The following CYC1 variants were observed in gnomAD, a reference collection of about 807,000 sequenced individuals.
The protein encoded by CYC1 is cytochrome c1, heme protein, mitochondrial.
Under a neutral mutation model 33.8 loss-of-function variants are expected in CYC1, and 10 were observed. That is an observed-to-expected ratio of 0.30 (90% CI 0.18 to 0.50). The LOEUF (loss-of-function observed/expected upper bound fraction) is 0.50. CYC1 is among the 20% of genes least tolerant of loss of function. The pLI, the probability that CYC1 is intolerant of heterozygous loss-of-function variation, is 0.98. For missense variants in CYC1, 459 were observed against 437.6 expected, an observed-to-expected ratio of 1.05 and a Z score of -0.44; for synonymous variants, 224 against 181.9, an observed-to-expected ratio of 1.23 and a Z score of -1.86.
chr8:144,095,285 C>G, intron 1 of CYC1, 57 bp downstream of exon 1: 1 of 1,184,638 alleles, frequency 8.4e-7, no homozygotes, highest in South Asian at 4.2e-5. Context: ...GTGAAGGTCA[C>G]GGCGGGGAGG....
Position 144,095,856 on chromosome 8 carries a change from T to C in CYC1, c.153T>C (p.Ser51=), listed in dbSNP as rs1324781588. The C allele has an allele frequency of 6.2e-7, 1 of 1,608,510 alleles. No individual in the cohort carries two copies. Among genetic ancestry groups the C allele is most frequent in the Admixed American group, 1.7e-5 (1 of 59,810 alleles). Residue 51 remains serine, a synonymous_variant, in exon 2 of 7, where the codon TCT becomes TCC. Transcript: ENST00000318911. ...AGGCAGTGGCCTTGTCGTCGAAGTC[T>C]GGCCTTTCCCGAGGCCGGAAAGTGA... ...TPQAVALSSK[S]GLSRGRKVML...
chr8:144,095,727 C>A, intron 1 of CYC1, 106 bp from the exon 2 acceptor site: 2 of 1,199,022 alleles, frequency 1.7e-6, no homozygotes, highest in Non-Finnish European at 2.4e-6. Flanking sequence ...GCGTCTGGTG[C>A]CCTGCAGGAG....
At chr8:144,095,412 C>G in intron 1 of CYC1, 184 bp downstream of exon 1, 1 of 464,540 alleles carries the variant, frequency 2.2e-6, no homozygotes, top group Non-Finnish European at 3.4e-6. Context: ...CCTCTCCGAA[C>G]GGCAGAGAGC....
At chr8:144,097,158 T>G (rs1281301099) in intron 6 of CYC1, 24 bp downstream of exon 6, 1 of 1,611,460 alleles carries the variant, frequency 6.2e-7, no homozygotes, top group South Asian at 1.1e-5. Flanking sequence ...GAGGCCATGG[T>G]GGGTATCAGA....
Position 144,097,377 on chromosome 8 carries a change from C to G in CYC1, c.*41C>G, listed in dbSNP as rs373553006. The G allele has an allele frequency of 1.6e-4, 245 of 1,568,350 alleles. No individual in the cohort carries two copies. Among genetic ancestry groups the G allele is most frequent in the Non-Finnish European group, 2.1e-4 (237 of 1,141,492 alleles). ...GCTTGCCATCCTGCCAGAACAGGCCCTCAAGCCCAAGAGCCATCCCAGGCC... is the reference window on the plus strand; with the variant it reads ...GCTTGCCATCCTGCCAGAACAGGCCGTCAAGCCCAAGAGCCATCCCAGGCC... On this transcript the variant is annotated 3_prime_UTR_variant, in exon 7 of 7. Transcript: ENST00000318911.
chr8:144,096,683 T>C lies in CYC1; in HGVS notation c.711T>C (p.Phe237=), dbSNP rs2129971546. 6.2e-7 allele frequency: 1 copy of C among 1,612,100 alleles called. No homozygotes were observed. Among genetic ancestry groups the C allele is most frequent in the South Asian group, 1.1e-5 (1 of 90,994 alleles). The part of the protein sequence containing the change: ...LREGLYFNPY[F]PGQAIAMAPP... ...AAGGTCTCTACTTCAACCCCTACTT[T>C]CCTGGCCAGGCCATTGCCATGGCCC... The change falls in exon 5 of 7, where the codon TTT becomes TTC. Residue 237 remains phenylalanine, a synonymous_variant. Transcript: ENST00000318911.
chr8:144,096,297 T>G, intron 3 of CYC1, 40 bp from the exon 4 acceptor site: 1 of 1,613,038 alleles, frequency 6.2e-7, no homozygotes, highest in Non-Finnish European at 8.5e-7. Flanking sequence ...GGGCTCCCAC[T>G]GTTGAGATGG....
Position 144,095,130 on chromosome 8 carries a change from G to A in CYC1, c.31G>A (p.Val11Ile). ...GGCAGCTGCGGCTTCGCTTCGCGGG[G>A]TAGTGTTGGGCCCGCGGGGCGCGGG... is the stretch of plus-strand genomic sequence containing the variant. MAAAAASLRG[V>I]VLGPRGAGLP... The change falls in exon 1 of 7, where the codon GTA (valine) becomes ATA (isoleucine). Residue 11 changes from valine (V) to isoleucine (I), a missense_variant. Physicochemically the swap from Val to Ile is conservative, Grantham distance 29. Coordinates refer to ENST00000318911, the MANE Select transcript of CYC1 (RefSeq NM_001916.5). The A allele has an allele frequency of 8.3e-7, 1 of 1,211,270 alleles. No homozygotes were observed. The highest frequency in any genetic ancestry group is 1.0e-6 in the Non-Finnish European group (1 of 973,346). The allele number at this position is 1,211,270 out of a possible 1,614,324, so 75.0% of individuals were successfully genotyped here.
chr8:144,095,331 C>G, intron 1 of CYC1, 103 bp downstream of exon 1: 1 of 1,021,310 alleles, frequency 9.8e-7, no homozygotes, highest in East Asian at 4.0e-5. Flanking sequence ...GGAAGCGGTA[C>G]CGGCCACCCA....
intron 1 of CYC1, 101 bp downstream of exon 1, chr8:144,095,329 T>G (rs2129966828): frequency 2.0e-6 from 2 of 1,023,906 alleles, no homozygotes; most frequent in Non-Finnish European, 2.5e-6. Context: ...GCGGAAGCGG[T>G]ACCGGCCACC....
At position 144,097,385 on chromosome 8, in the gene CYC1, C is replaced by T. The variant is rs770007215; in HGVS notation, c.*49C>T. 1.3e-6 allele frequency: 2 copies of T among 1,523,366 alleles called. No homozygotes were observed. Among genetic ancestry groups the T allele is most frequent in the South Asian group, 1.1e-5 (1 of 88,638 alleles). The allele number at this position is 1,523,366 out of a possible 1,614,324, so 94.4% of individuals were successfully genotyped here. ...TCCTGCCAGAACAGGCCCTCAAGCC[C>T]AAGAGCCATCCCAGGCCTGTTCAGG... On this transcript the variant is annotated 3_prime_UTR_variant, in exon 7 of 7. Transcript: ENST00000318911.
rs766981311 is a variant in CYC1, at chr8:144,096,586, A to G, written c.614A>G (p.His205Arg). The G allele has an allele frequency of 4.3e-6, 7 of 1,614,062 alleles. No homozygotes were observed. The highest frequency in any genetic ancestry group is 1.1e-5 in the South Asian group (1 of 91,078). ...PDLSYIVRAR[H>R]GGEDYVFSLL... ...AGGAGCCATGGATCTGGTCCTAGGC[A>G]TGGTGGTGAGGACTACGTCTTCTCC... Residue 205 changes from histidine to arginine, a missense_variant and splice_region_variant, in exon 5 of 7, where the codon CAT becomes CGT. His to Arg is a conservative substitution (Grantham distance 29). Coordinates refer to ENST00000318911, the MANE Select transcript of CYC1 (RefSeq NM_001916.5).
intron 5 of CYC1, 138 bp downstream of exon 5, chr8:144,096,882 C>G (rs985262455): frequency 3.3e-6 from 4 of 1,216,124 alleles, no homozygotes; most frequent in Non-Finnish European, 3.5e-6. Context: ...TCTCAGGAGG[C>G]TTTTGGGCTC....
chr8:144,095,142 C>T lies in CYC1; in HGVS notation c.43C>T (p.Pro15Ser), dbSNP rs1836123021. The change falls in exon 1 of 7, where the codon CCG becomes TCG. Residue 15 changes from proline to serine, a missense_variant. Physicochemically the swap from Pro to Ser is moderately conservative, Grantham distance 74 (BLOSUM62 -1). Transcript: ENST00000318911. Reference sequence around the variant, plus strand: ...TTCGCTTCGCGGGGTAGTGTTGGGCCCGCGGGGCGCGGGGCTCCCGGGCGC... The same window carrying T: ...TTCGCTTCGCGGGGTAGTGTTGGGCTCGCGGGGCGCGGGGCTCCCGGGCGC... ...AASLRGVVLG[P>S]RGAGLPGARA... is the part of the protein sequence containing the mutation. The T allele has an allele frequency of 1.7e-6, 2 of 1,210,866 alleles. No homozygotes were observed. The highest frequency in any genetic ancestry group is 3.1e-5 in the African/African-American group (2 of 63,550). The allele number at this position is 1,210,866 out of a possible 1,614,324, so 75.0% of individuals were successfully genotyped here. A position where few individuals can be genotyped will look rare whatever the true frequency, so the allele number is the denominator to read the frequency against.
intron 1 of CYC1, 27 bp downstream of exon 1, chr8:144,095,255 C>G (rs1836126322): frequency 8.4e-7 from 1 of 1,194,060 alleles, no homozygotes; most frequent in Non-Finnish European, 1.0e-6. Context: ...GCCCCGGCCT[C>G]CGCGCGGCCC....
chr8:144,097,320 A>G lies in CYC1; in HGVS notation c.962A>G (p.Tyr321Cys), dbSNP rs772586115. 1.2e-6 allele frequency: 2 copies of G among 1,613,982 alleles called. No individual in the cohort carries two copies. The highest frequency in any genetic ancestry group is 2.2e-5 in the South Asian group (2 of 91,076). Residue 321 changes from tyrosine (Y) to cysteine (C), a missense_variant, in exon 7 of 7, where the codon TAT (tyrosine) becomes TGT (cysteine). Physicochemically the swap from Tyr to Cys is radical, Grantham distance 194. Transcript: ENST00000318911. ...GTCCTGAAGAGTCGGAAGCTGGCATATCGGCCGCCCAAGTGACCCTGTCCA... is the reference window on the plus strand; with the variant it reads ...GTCCTGAAGAGTCGGAAGCTGGCATGTCGGCCGCCCAAGTGACCCTGTCCA... ...WSVLKSRKLA[Y>C]RPPK is the part of the protein sequence containing the mutation.
chr8:144,096,559 T>C (rs549733493), intron 4 of CYC1, 25 bp from the exon 5 acceptor site: 1 of 1,613,918 alleles, frequency 6.2e-7, no homozygotes, highest in Non-Finnish European at 8.5e-7. Context: ...TGCTTGGAAC[T>C]AAGGAGCCAT....
chr8:144,095,092 A>T lies in CYC1; in HGVS notation c.-8A>T, dbSNP rs932159338. 11 of 1,204,580 alleles carry T rather than the reference A, an allele frequency of 9.1e-6. No individual in the cohort carries two copies. In the Admixed American group the frequency reaches 4.0e-4, roughly 44 times the overall value. 74.6% of individuals were successfully genotyped at this position (1,204,580 alleles called of 1,614,324 possible). On this transcript the variant is annotated 5_prime_UTR_variant, in exon 1 of 7. Transcript: ENST00000318911. ...GACGGGAGTGGCGGCCGCGCGGAGG[A>T]GGCCAAGATGGCGGCAGCTGCGGCT...
chr8:144,096,728 C>CT lies in CYC1; in HGVS notation c.758dup (p.Leu253PhefsTer4). ...TGGCCCCTCCCATCTACACAGATGTCTTAGAGTTTGACGATGGTAAGAGGC... is the reference window on the plus strand; with the variant it reads ...TGGCCCCTCCCATCTACACAGATGTCTTTAGAGTTTGACGATGGTAAGAGGC... On this transcript the variant is annotated frameshift_variant, in exon 5 of 7. Transcript: ENST00000318911. LOFTEE classifies it high-confidence loss of function. 1.2e-6 allele frequency: 2 copies of CT among 1,612,970 alleles called. No homozygotes were observed. The highest frequency in any genetic ancestry group is 1.7e-6 in the Non-Finnish European group (2 of 1,179,780).
Sources: gnomAD v4.1 joint callset for allele counts on GRCh38, gnomAD v4.1.1 for gene constraint, MANE v1.5 for transcripts, NCBI Gene and HGNC (gene_info 2026-07-23, HGNC 2026-07-21) for gene names.